Variants in HEMK2 observed in about 807,000 individuals in gnomAD.
The protein encoded by HEMK2 is methyltransferase HEMK2.
chr21:28,797,338 G>A, the HEMK2 span, among the ~76,000 whole-genome samples: 1 of 151,932 alleles, frequency 6.6e-6, no homozygotes, highest in Non-Finnish European at 1.5e-5. Flanking sequence ...GCCCATGCCT[G>A]TAATCCCAGA....
chr21:28,652,063 G>A, the HEMK2 span, among the ~76,000 whole-genome samples: 1,757 of 152,228 alleles, frequency 0.012, 16 homozygotes, highest in Non-Finnish European at 0.017. Flanking sequence ...TTCCTATGGA[G>A]GTAAAGTTTT....
the HEMK2 span, among the ~76,000 whole-genome samples, chr21:28,581,257 GA>G: frequency 3.3e-5 from 5 of 151,626 alleles, no homozygotes; most frequent in Non-Finnish European, 7.4e-5. Flanking sequence ...AGGCAGCAAG[GA>G]ACAAAAGAAG....
the HEMK2 span, among the ~76,000 whole-genome samples, chr21:28,781,947 G>A: frequency 6.6e-6 from 1 of 152,132 alleles, no homozygotes; most frequent in Non-Finnish European, 1.5e-5. Flanking sequence ...CCAGAGTAAG[G>A]GTCATCCTTT....
At chr21:28,806,643 A>G in the HEMK2 span, among the ~76,000 whole-genome samples, 7 of 152,336 alleles carry the variant, frequency 4.6e-5, no homozygotes, top group East Asian at 1.3e-3. Flanking sequence ...TCTGCAAAAG[A>G]CAAGAAAATA....
chr21:28,857,260 A>T, the HEMK2 span, among the ~76,000 whole-genome samples: 50 of 151,102 alleles, frequency 3.3e-4, no homozygotes, highest in Middle Eastern at 3.4e-3. Flanking sequence ...GAATTTGATT[A>T]AAAAAAAACA....
chr21:28,705,217 T>C, the HEMK2 span, among the ~76,000 whole-genome samples: 1 of 152,150 alleles, frequency 6.6e-6, no homozygotes, highest in Non-Finnish European at 1.5e-5. Flanking sequence ...TTTTTTAACA[T>C]TTTACTGAGC....
chr21:28,806,636 G>T, the HEMK2 span, among the ~76,000 whole-genome samples: 1 of 152,084 alleles, frequency 6.6e-6, no homozygotes, highest in East Asian at 1.9e-4. Flanking sequence ...TTCCTGGTCT[G>T]CAAAAGACAA....
chr21:28,629,153 T>C, the HEMK2 span, among the ~76,000 whole-genome samples: 4 of 152,198 alleles, frequency 2.6e-5, no homozygotes, highest in Admixed American at 6.5e-5. Flanking sequence ...TGAGAAACCA[T>C]AGAATTTACC....
At chr21:28,800,295 C>A in the HEMK2 span, among the ~76,000 whole-genome samples, 1 of 152,010 alleles carries the variant, frequency 6.6e-6, no homozygotes, top group African/African-American at 2.4e-5. Flanking sequence ...GATGGCTTCA[C>A]GTTGTAACAG....
chr21:28,805,834 G>A, the HEMK2 span, among the ~76,000 whole-genome samples: 1 of 152,212 alleles, frequency 6.6e-6, no homozygotes, highest in South Asian at 2.1e-4. Flanking sequence ...GTATTTATAG[G>A]TGCTACATGT....
the HEMK2 span, among the ~76,000 whole-genome samples, chr21:28,732,539 T>C: frequency 0.09 from 13,688 of 152,258 alleles, 905 homozygotes; most frequent in East Asian, 0.3. Context: ...TCACTATCAA[T>C]TTCCCTCTCT....
chr21:28,698,274 T>A, the HEMK2 span, among the ~76,000 whole-genome samples: 1 of 152,172 alleles, frequency 6.6e-6, no homozygotes, highest in South Asian at 2.1e-4. Context: ...CTGTGTGCTG[T>A]TAGAATGGGC....
chr21:28,811,270 G>GAGAA, the HEMK2 span, among the ~76,000 whole-genome samples: 1 of 123,674 alleles, frequency 8.1e-6, no homozygotes, highest in Non-Finnish European at 1.6e-5. Flanking sequence ...AAGAAAGAAA[G>GAGAA]AGAAAGAAAG....
At chr21:28,825,005 G>C in the HEMK2 span, among the ~76,000 whole-genome samples, 4,019 of 152,274 alleles carry the variant, frequency 0.026, 179 homozygotes, top group African/African-American at 0.092. Flanking sequence ...CCTATCAGCA[G>C]TGGAAATAAA....
the HEMK2 span, chr21:28,876,571 C>T: frequency 1.5e-5 from 12 of 795,232 alleles, no homozygotes; most frequent in African/African-American, 2.1e-4. Flanking sequence ...ATAAGTTAAA[C>T]ACAGATGATT....
At chr21:28,624,677 G>C in the HEMK2 span, among the ~76,000 whole-genome samples, 5 of 152,178 alleles carry the variant, frequency 3.3e-5, no homozygotes, top group Non-Finnish European at 5.9e-5. Context: ...GGAAAGATCT[G>C]AGAAGAATAT....
chr21:28,588,357 A>G, the HEMK2 span, among the ~76,000 whole-genome samples: 2 of 152,156 alleles, frequency 1.3e-5, no homozygotes, highest in South Asian at 2.1e-4. Flanking sequence ...AGTTCCTTAC[A>G]TATTGATGGT....
At chr21:28,584,881 G>T in the HEMK2 span, among the ~76,000 whole-genome samples, 3 of 151,998 alleles carry the variant, frequency 2.0e-5, no homozygotes, top group Non-Finnish European at 4.4e-5. Flanking sequence ...CATCTACCAT[G>T]ACACAAATGT....
the HEMK2 span, among the ~76,000 whole-genome samples, chr21:28,600,542 T>A: frequency 6.6e-6 from 1 of 152,238 alleles, no homozygotes; most frequent in Non-Finnish European, 1.5e-5. Context: ...ATAAGGGCTG[T>A]CTCAAAAGTC....
Sources: gnomAD v4.1 joint callset for allele counts (sites outside exome capture counted in the v4.1 genomes callset) on GRCh38, gnomAD v4.1.1 for gene constraint, MANE v1.5 for transcripts, NCBI Gene and HGNC (gene_info 2026-07-23, HGNC 2026-07-21) for gene names.